The following GRIK2 variants were observed in gnomAD, a reference collection of about 807,000 sequenced individuals.
The protein encoded by GRIK2 is glutamate ionotropic receptor kainate type subunit 2, also known as glutamate receptor ionotropic, kainate 2.
Under a neutral mutation model 100.3 loss-of-function variants are expected in GRIK2, and 32 were observed. That is an observed-to-expected ratio of 0.32 (90% CI 0.24 to 0.43). The LOEUF (loss-of-function observed/expected upper bound fraction) is 0.43, where lower values mean the gene tolerates loss of function less well. Ranked by LOEUF, GRIK2 falls within the 20% of genes least tolerant of loss-of-function variation. The pLI, the probability that GRIK2 is intolerant of heterozygous loss-of-function variation, is 1.00. For synonymous variants in GRIK2, 417 were observed against 389.4 expected (o/e 1.07, Z -0.83); for missense variants, 843 against 1,114.9 (o/e 0.76, Z 3.47).
chr6:101,714,066 A>T (rs1033118180), intron 7 of GRIK2, among the ~76,000 whole-genome samples: 2 of 151,762 alleles, frequency 1.3e-5, no homozygotes, highest in African/African-American at 4.8e-5. Flanking sequence ...CTTATATTAA[A>T]ATGCAAAGAA....
At chr6:101,646,306 G>A (rs767610872) in intron 4 of GRIK2, among the ~76,000 whole-genome samples, 1 of 151,900 alleles carries the variant, frequency 6.6e-6, no homozygotes, top group Non-Finnish European at 1.5e-5. Context: ...GAAAGTTTTT[G>A]TATCTTCTTG....
intron 7 of GRIK2, among the ~76,000 whole-genome samples, chr6:101,714,869 T>C (rs1041485538): frequency 3.6e-4 from 54 of 151,890 alleles, no homozygotes; most frequent in African/African-American, 1.2e-3. Context: ...TATTATGATA[T>C]TGAATACACT....
chr6:101,463,198 GTGTTT>G (rs1422941988), intron 2 of GRIK2, among the ~76,000 whole-genome samples: 1 of 152,100 alleles, frequency 6.6e-6, no homozygotes, highest in Non-Finnish European at 1.5e-5. Context: ...TTTACAGGCA[GTGTTT>G]TAGAGACAGT....
intron 15 of GRIK2, among the ~76,000 whole-genome samples, chr6:102,052,713 T>G (rs1209333152): frequency 6.6e-6 from 1 of 152,158 alleles, no homozygotes; most frequent in Non-Finnish European, 1.5e-5. Flanking sequence ...CTTAAGTGGA[T>G]TAAGAATTTT....
At chr6:101,770,492 A>G (rs1778332448) in intron 7 of GRIK2, among the ~76,000 whole-genome samples, 1 of 152,184 alleles carries the variant, frequency 6.6e-6, no homozygotes, top group South Asian at 2.1e-4. Context: ...TGTTGTAATG[A>G]AAGTCTTTTA....
intron 13 of GRIK2, among the ~76,000 whole-genome samples, chr6:101,927,589 A>T (rs745859989): frequency 1.2e-4 from 19 of 152,220 alleles, no homozygotes; most frequent in South Asian, 2.1e-4. Flanking sequence ...AATTGGTAGG[A>T]TTTTGTTTTA....
intron 7 of GRIK2, among the ~76,000 whole-genome samples, chr6:101,707,033 C>G (rs908965328): frequency 1.3e-5 from 2 of 151,800 alleles, no homozygotes; most frequent in South Asian, 4.1e-4. Flanking sequence ...AGGCCATGTC[C>G]TATAAGTGTA....
At chr6:101,649,567 C>T (rs984966330) in intron 4 of GRIK2, among the ~76,000 whole-genome samples, 3 of 152,130 alleles carry the variant, frequency 2.0e-5, no homozygotes, top group African/African-American at 4.8e-5. Flanking sequence ...ACCCAGTCTA[C>T]ATACAAGTAC....
chr6:101,947,686 T>C (rs1014976228), intron 14 of GRIK2, among the ~76,000 whole-genome samples: 1 of 152,202 alleles, frequency 6.6e-6, no homozygotes, highest in African/African-American at 2.4e-5. Flanking sequence ...TGTTGGATAC[T>C]GAAAGCCTGC....
At chr6:101,903,568 T>C (rs1788020897) in intron 12 of GRIK2, among the ~76,000 whole-genome samples, 1 of 151,836 alleles carries the variant, frequency 6.6e-6, no homozygotes, top group African/African-American at 2.4e-5. Flanking sequence ...ATTTCTGTTA[T>C]ACTTTCTTTC....
intron 2 of GRIK2, among the ~76,000 whole-genome samples, chr6:101,409,265 A>G (rs542400160): frequency 1.3e-5 from 2 of 152,148 alleles, no homozygotes; most frequent in African/African-American, 4.8e-5. Context: ...CAGCAGAGTA[A>G]CATACTAGAC....
chr6:101,757,684 C>T (rs1473947991), intron 7 of GRIK2, among the ~76,000 whole-genome samples: 1 of 152,138 alleles, frequency 6.6e-6, no homozygotes, highest in Non-Finnish European at 1.5e-5. Context: ...AACTGAGTTA[C>T]TAAGGCCTCT....
intron 16 of GRIK2, among the ~76,000 whole-genome samples, chr6:102,057,179 T>C (rs1771506607): frequency 6.6e-6 from 1 of 152,002 alleles, no homozygotes; most frequent in South Asian, 2.1e-4. Flanking sequence ...AATCATAGAA[T>C]AAATATGGGT....
intron 12 of GRIK2, among the ~76,000 whole-genome samples, chr6:101,896,425 A>G (rs2128459823): frequency 6.6e-6 from 1 of 151,934 alleles, no homozygotes; most frequent in Non-Finnish European, 1.5e-5. Flanking sequence ...GGCAATTTAA[A>G]ATTAATGTGC....
chr6:101,446,253 T>C (rs1770368861), intron 2 of GRIK2, among the ~76,000 whole-genome samples: 1 of 151,992 alleles, frequency 6.6e-6, no homozygotes, highest in African/African-American at 2.4e-5. Context: ...TTAAATTGAA[T>C]GATAAATTTT....
intron 2 of GRIK2, among the ~76,000 whole-genome samples, chr6:101,571,746 G>T (rs560474651): frequency 6.6e-6 from 1 of 152,082 alleles, no homozygotes; most frequent in Admixed American, 6.6e-5. Context: ...CTAAATTCAG[G>T]AAATCAGTAG....
chr6:101,836,643 G>GTATATATATATA (rs201661389), intron 10 of GRIK2, among the ~76,000 whole-genome samples: 1 of 86,402 alleles, frequency 1.2e-5, no homozygotes, highest in African/African-American at 4.6e-5. Context: ...ATATGTATGT[G>GTATATATATATA]TATATATATA....
At chr6:101,974,389 T>G (rs1200958410) in intron 14 of GRIK2, among the ~76,000 whole-genome samples, 1 of 152,018 alleles carries the variant, frequency 6.6e-6, no homozygotes, top group Non-Finnish European at 1.5e-5. Flanking sequence ...GTTAAGATAC[T>G]ATTAGGCATA....
chr6:101,516,771 C>A (rs1168038596), intron 2 of GRIK2, among the ~76,000 whole-genome samples: 7 of 152,094 alleles, frequency 4.6e-5, no homozygotes, highest in Admixed American at 4.6e-4. Flanking sequence ...TGGCTGCCTT[C>A]CCAGCAAAAG....
Sources: allele counts gnomAD v4.1 joint callset (sites outside exome capture counted in the v4.1 genomes callset), GRCh38; gene constraint gnomAD v4.1.1; transcripts MANE v1.5; gene names NCBI Gene and HGNC (gene_info 2026-07-23, HGNC 2026-07-21).